Variants in TNIP2 observed in about 807,000 individuals in gnomAD.
TNIP2 encodes the protein TNFAIP3-interacting protein 2.
Under a neutral mutation model 43.7 loss-of-function variants are expected in TNIP2, and 30 were observed. That is an observed-to-expected ratio of 0.69 (90% CI 0.51 to 0.93). TNIP2 has a LOEUF of 0.93. Ranked by LOEUF, TNIP2 falls within the 40% of genes least tolerant of loss-of-function variation. TNIP2 has a pLI of 0.00. For missense variants in TNIP2, 599 were observed against 591.0 expected (o/e 1.01, Z -0.14); for synonymous variants, 260 against 254.6 (o/e 1.02, Z -0.20).
At chr4:2,745,396 C>A (rs1047992087) in intron 3 of TNIP2, 50 bp downstream of exon 3, 1 of 1,390,332 alleles carries the variant, frequency 7.2e-7, no homozygotes, top group Non-Finnish European at 1.0e-6. Context: ...CCCTCACTTA[C>A]AGTTTGTAAG....
chr4:2,751,081 G>A (rs1202714602), intron 1 of TNIP2, among the ~76,000 whole-genome samples: 4 of 152,290 alleles, frequency 2.6e-5, no homozygotes, highest in East Asian at 1.9e-4. Context: ...TCCTCCCCTC[G>A]GCAGCATGAG....
intron 1 of TNIP2, among the ~76,000 whole-genome samples, chr4:2,753,254 C>T (rs1722146471): frequency 1.3e-5 from 2 of 151,466 alleles, no homozygotes; most frequent in African/African-American, 4.9e-5. Context: ...GCCTGGGCGA[C>T]ACAGCAAGAT....
Position 2,741,970 on chromosome 4 carries a change from C to CAGAT in TNIP2, c.*283_*286dup. 3.3e-6 allele frequency: 1 copy of CAGAT among 303,158 alleles called. No homozygotes were observed. The allele number at this position is 303,158 out of a possible 1,614,324, so 18.8% of individuals were successfully genotyped here. A position where few individuals can be genotyped will look rare whatever the true frequency, so the allele number is the denominator to read the frequency against. On this transcript the variant is annotated 3_prime_UTR_variant, in exon 6 of 6. Transcript: ENST00000315423. ...GGGGGAGGGGCTGGCACACCAGCAC[C>CAGAT]AGATAGCTCTGGCTTAAGCCTGATG...
At chr4:2,742,544 A>T (rs746764256) in intron 5 of TNIP2, 24 bp from the exon 6 acceptor site, 1 of 1,513,364 alleles carries the variant, frequency 6.6e-7, no homozygotes, top group Non-Finnish European at 8.9e-7. Flanking sequence ...AAGGGTGTAT[A>T]TACGTGGGCT....
At chr4:2,751,689 C>T (rs1333657242) in intron 1 of TNIP2, among the ~76,000 whole-genome samples, 6 of 151,862 alleles carry the variant, frequency 4.0e-5, no homozygotes. Context: ...AGGAGGATCA[C>T]TTAAGCCCAG....
At chr4:2,748,444 A>G (rs1049445223) in intron 1 of TNIP2, among the ~76,000 whole-genome samples, 2 of 152,022 alleles carry the variant, frequency 1.3e-5, no homozygotes, top group African/African-American at 2.4e-5. Flanking sequence ...AGAGGTTCAC[A>G]CCATTCTCCT....
At position 2,756,071 on chromosome 4, in the gene TNIP2, G is replaced by C. The variant is rs1446640131; in HGVS notation, c.219C>G (p.Arg73=). The change falls in exon 1 of 6, where the codon CGC becomes CGG. Residue 73 remains arginine (R), a synonymous_variant. Transcript: ENST00000315423. ...CCTGCCTTCGCAGCTGCTCCCGGAA[G>C]CGCGCAACCTGCTCCAGCAGCGCGT... ...LVDALLEQVA[R]FREQLRRQEG... The C allele has an allele frequency of 2.6e-6, 4 of 1,540,242 alleles. No individual in the cohort carries two copies. The highest frequency in any genetic ancestry group is 3.5e-6 in the Non-Finnish European group (4 of 1,155,648).
rs1051465367 is a variant in TNIP2 at position 2,741,821 on chromosome 4, A to G, written c.*436T>C. The G allele has an allele frequency of 6.2e-6, 1 of 160,750 alleles. No individual in the cohort carries two copies. Among genetic ancestry groups the G allele is most frequent in the Non-Finnish European group, 1.3e-5 (1 of 74,162 alleles). The allele number at this position is 160,750 out of a possible 1,614,324, so 10.0% of individuals were successfully genotyped here. A position where few individuals can be genotyped will look rare whatever the true frequency, so the allele number is the denominator to read the frequency against. Reference sequence around the variant, plus strand: ...CCACCCTAGTGTGACGTGCAGCCGCAATACTCCATTTGACTGGTTCGAGGC... The same window carrying G: ...CCACCCTAGTGTGACGTGCAGCCGCGATACTCCATTTGACTGGTTCGAGGC... On this transcript the variant is annotated 3_prime_UTR_variant, in exon 6 of 6. Transcript: ENST00000315423.
At chr4:2,746,632 G>A (rs73080328) in intron 2 of TNIP2, among the ~76,000 whole-genome samples, 401 of 152,302 alleles carry the variant, frequency 2.6e-3, no homozygotes, top group African/African-American at 8.9e-3. Flanking sequence ...TGATGGGTGC[G>A]GGATGTACTG....
chr4:2,742,641 T>G (rs1015930419), intron 5 of TNIP2, 121 bp from the exon 6 acceptor site: 11 of 1,080,834 alleles, frequency 1.0e-5, no homozygotes, highest in Non-Finnish European at 1.4e-5. Context: ...CCCCTCACTT[T>G]GCTTCCTGCT....
chr4:2,747,548 C>A, intron 2 of TNIP2, 107 bp downstream of exon 2: 1 of 1,165,626 alleles, frequency 8.6e-7, no homozygotes, highest in South Asian at 1.4e-5. Flanking sequence ...TTACTGAGAA[C>A]AGAAGTGGGT....
In TNIP2 at chr4:2,744,274, C is replaced by A; in HGVS notation, c.1026+113G>T. 2 of 1,419,034 alleles carry A rather than the reference C, an allele frequency of 1.4e-6. No homozygotes were observed. Among genetic ancestry groups the A allele is most frequent in the Non-Finnish European group, 1.9e-6 (2 of 1,036,612 alleles). 87.9% of individuals were successfully genotyped at this position (1,419,034 alleles called of 1,614,324 possible). On this transcript the variant is annotated intron_variant, in intron 5 of 5. Transcript: ENST00000315423. This position sits in a 1 kb window ranked among gnomAD's most constrained non-coding sequence, Gnocchi z 5.1. ...CACAGCAGGGAGGGGCTCGCCACAA[C>A]CCTCATCACCAGCAAATCAGGGCCT... is the stretch of plus-strand genomic sequence containing the variant.
chr4:2,742,188 A>G lies in TNIP2; in HGVS notation c.*69T>C. Reference sequence around the variant, plus strand: ...TAGAGCTCAACCCATGGCATCTGAGAGCACCCACCCTGTCCCTGAGGGCAG... The same window carrying G: ...TAGAGCTCAACCCATGGCATCTGAGGGCACCCACCCTGTCCCTGAGGGCAG... On this transcript the variant is annotated 3_prime_UTR_variant, in exon 6 of 6. Coordinates refer to ENST00000315423, the MANE Select transcript of TNIP2 (RefSeq NM_024309.4). 1 of 1,360,776 alleles carries G rather than the reference A, an allele frequency of 7.3e-7. No homozygotes were observed. Among genetic ancestry groups the G allele is most frequent in the Non-Finnish European group, 9.6e-7 (1 of 1,044,124 alleles). The allele number at this position is 1,360,776 out of a possible 1,614,324, so 84.3% of individuals were successfully genotyped here. A position where few individuals can be genotyped will look rare whatever the true frequency, so the allele number is the denominator to read the frequency against.
At chr4:2,754,625 C>A (rs1722182745) in intron 1 of TNIP2, among the ~76,000 whole-genome samples, 1 of 152,230 alleles carries the variant, frequency 6.6e-6, no homozygotes, top group Non-Finnish European at 1.5e-5. Flanking sequence ...ACCATGTTAG[C>A]CAGGATGGTC....
In TNIP2 at chr4:2,756,209, G is replaced by C; in HGVS notation, c.81C>G (p.Ala27=). The C allele has an allele frequency of 2.7e-6, 4 of 1,473,990 alleles. No homozygotes were observed. Among genetic ancestry groups the C allele is most frequent in the Non-Finnish European group, 3.6e-6 (4 of 1,120,704 alleles). 91.3% of individuals were successfully genotyped at this position (1,473,990 alleles called of 1,614,324 possible). The change falls in exon 1 of 6, where the codon GCC becomes GCG. Residue 27 remains alanine, a synonymous_variant. Transcript: ENST00000315423. ...CCTGCAGGCGGCGCAGCCGCTGTCC[G>C]GCCTCGTGGTACAGGGTGCAGAGCG... is the stretch of plus-strand genomic sequence containing the variant. The part of the protein sequence containing the change: ...AAALCTLYHE[A]GQRLRRLQDQ...
chr4:2,742,812 C>G (rs1387916308), intron 5 of TNIP2, among the ~76,000 whole-genome samples: 1 of 152,208 alleles, frequency 6.6e-6, no homozygotes, highest in African/African-American at 2.4e-5. Context: ...GGAGACCTGA[C>G]TGAGAAGGTG....
chr4:2,756,308 G>C lies in TNIP2; in HGVS notation c.-19C>G. On this transcript the variant is annotated 5_prime_UTR_variant, in exon 1 of 6. Transcript: ENST00000315423. ...GGGACATGGCTGTAGGCCCGCCCGG[G>C]AGGCCGCGCGGCCGCCGGCAACTTC... 1.6e-6 allele frequency: 2 copies of C among 1,214,128 alleles called. No homozygotes were observed. Among genetic ancestry groups the C allele is most frequent in the Non-Finnish European group, 2.0e-6 (2 of 977,078 alleles). 75.2% of individuals were successfully genotyped at this position (1,214,128 alleles called of 1,614,324 possible).
At chr4:2,742,730 A>T (rs1721829508) in intron 5 of TNIP2, among the ~76,000 whole-genome samples, 1 of 152,164 alleles carries the variant, frequency 6.6e-6, no homozygotes, top group African/African-American at 2.4e-5. Context: ...GCTCATGAAG[A>T]AGTAGGCCCT....
At chr4:2,753,785 A>G (rs1037242422) in intron 1 of TNIP2, among the ~76,000 whole-genome samples, 2 of 152,226 alleles carry the variant, frequency 1.3e-5, no homozygotes, top group Non-Finnish European at 2.9e-5. Flanking sequence ...GTTGGTGCAG[A>G]CCAGGTGACC....
Sources: allele counts gnomAD v4.1 joint callset (sites outside exome capture counted in the v4.1 genomes callset), GRCh38; gene constraint gnomAD v4.1.1; non-coding constraint Gnocchi (gnomAD v3.1); transcripts MANE v1.5; gene names NCBI Gene and HGNC (gene_info 2026-07-23, HGNC 2026-07-21).